Variants in CTNNA2 observed in about 807,000 individuals in gnomAD.
The protein encoded by CTNNA2 is catenin alpha-2.
In CTNNA2, 42 loss-of-function variants were observed where a neutral mutation model predicts 101.0. The observed-to-expected ratio is 0.42, with a 90% CI of 0.32 to 0.54. The LOEUF is 0.54. Ranked by LOEUF, CTNNA2 falls within the 20% of genes least tolerant of loss-of-function variation. CTNNA2 has a pLI of 0.14. For missense variants in CTNNA2, 871 were observed against 1,223.1 expected (o/e 0.71, Z 4.29); for synonymous variants, 450 against 456.4 (o/e 0.99, Z 0.18).
intron 7 of CTNNA2, among the ~76,000 whole-genome samples, chr2:80,238,211 A>C (rs575341646): frequency 3.3e-5 from 5 of 152,134 alleles, no homozygotes; most frequent in African/African-American, 7.2e-5. Flanking sequence ...GACTTTACTC[A>C]AGATCATTTG....
intron 2 of CTNNA2, among the ~76,000 whole-genome samples, chr2:79,673,105 G>A (rs917441826): frequency 6.6e-6 from 1 of 152,090 alleles, no homozygotes; most frequent in Non-Finnish European, 1.5e-5. Flanking sequence ...TGAATGTTCA[G>A]TTTGAATGTT....
At chr2:80,603,528 T>A (rs1697737312) in intron 15 of CTNNA2, 1 of 152,102 alleles carries the variant, frequency 6.6e-6, no homozygotes, top group Non-Finnish European at 1.5e-5. Context: ...CAAACTGGAC[T>A]TAAAATTTAA....
At chr2:79,476,571 T>C (rs190446279) in intron 4 of CTNNA2, among the ~76,000 whole-genome samples, 145 of 152,300 alleles carry the variant, frequency 9.5e-4, no homozygotes, top group Admixed American at 2.0e-3. Flanking sequence ...GACTGGTATA[T>C]GGAGGTCTCA....
intron 7 of CTNNA2, among the ~76,000 whole-genome samples, chr2:79,985,381 A>T (rs1691686669): frequency 6.6e-6 from 1 of 152,142 alleles, no homozygotes; most frequent in African/African-American, 2.4e-5. Context: ...AGCATTGCTC[A>T]GGGTACATCC....
intron 2 of CTNNA2, among the ~76,000 whole-genome samples, chr2:79,302,390 A>G (rs1676133646): frequency 6.6e-6 from 1 of 152,150 alleles, no homozygotes; most frequent in Non-Finnish European, 1.5e-5. Flanking sequence ...CTGTTCACTT[A>G]TAAAATATCA....
Position 80,442,571 on chromosome 2 carries a change from C to T in CTNNA2, c.1290+22970C>T, listed in dbSNP as rs139383353. Among the ~76,000 whole-genome samples the T allele has an allele frequency of 4.6e-5, 7 of 152,264 alleles. No homozygotes were observed. The East Asian group carries it at 1.4e-3, about 29-fold the overall frequency. ...TTTCCAAGGAGCTACCATGCCTTCC[C>T]AATGCCATGGCTTGAGCAAGAGGAT... is the stretch of plus-strand genomic sequence containing the variant. On this transcript the variant is annotated intron_variant, in intron 9 of 18. Transcript: ENST00000402739.
intron 6 of CTNNA2, among the ~76,000 whole-genome samples, chr2:79,877,388 G>A (rs771752912): frequency 1.3e-5 from 2 of 152,084 alleles, no homozygotes; most frequent in African/African-American, 2.4e-5. Flanking sequence ...TGATTCACCT[G>A]CTGTAGATTT....
chr2:79,476,707 G>T (rs1373821775), intron 4 of CTNNA2, among the ~76,000 whole-genome samples: 2 of 152,114 alleles, frequency 1.3e-5, no homozygotes, highest in Non-Finnish European at 2.9e-5. Context: ...TCTGATTTTA[G>T]TTTGTTATTC....
chr2:80,352,898 T>C lies in CTNNA2; in HGVS notation c.1057-40313T>C, dbSNP rs181208487. Among the ~76,000 whole-genome samples the C allele has an allele frequency of 1.9e-4, 29 of 151,998 alleles. No individual in the cohort carries two copies. The East Asian group carries it at 5.4e-3, about 28-fold the overall frequency. On this transcript the variant is annotated intron_variant, in intron 7 of 18. Coordinates refer to ENST00000402739, the MANE Select transcript of CTNNA2 (RefSeq NM_001282597.3). ...CCACTGTAATTTCCCATGAATTATG[T>C]CAGATCAAGAGGTTACTTTAAAAAA...
At chr2:79,978,942 G>A (rs1691060876) in intron 7 of CTNNA2, among the ~76,000 whole-genome samples, 1 of 152,120 alleles carries the variant, frequency 6.6e-6, no homozygotes, top group Non-Finnish European at 1.5e-5. Context: ...GTCTCAAAGA[G>A]GTTAAGTCAT....
At chr2:79,195,074 G>A (rs545456638) in intron 1 of CTNNA2, among the ~76,000 whole-genome samples, 1 of 152,078 alleles carries the variant, frequency 6.6e-6, no homozygotes, top group South Asian at 2.1e-4. Context: ...TGCTTTCTTT[G>A]AAACATTCAC....
intron 1 of CTNNA2, among the ~76,000 whole-genome samples, chr2:79,550,664 A>G (rs1674042555): frequency 6.6e-6 from 1 of 152,204 alleles, no homozygotes; most frequent in Non-Finnish European, 1.5e-5. Flanking sequence ...TTATTCTTTC[A>G]TTCAGTATCT....
chr2:80,355,379 T>G (rs2149305743), intron 7 of CTNNA2, among the ~76,000 whole-genome samples: 1 of 152,294 alleles, frequency 6.6e-6, no homozygotes, highest in East Asian at 1.9e-4. Context: ...TTTCCCCATC[T>G]TGCCTGGCAT....
intron 1 of CTNNA2, among the ~76,000 whole-genome samples, chr2:79,543,642 T>A (rs957179933): frequency 6.6e-6 from 1 of 152,124 alleles, no homozygotes; most frequent in Non-Finnish European, 1.5e-5. Flanking sequence ...TCACTAGCAA[T>A]GAACAGATCA....
chr2:79,716,248 T>A (rs1218916974), intron 2 of CTNNA2, among the ~76,000 whole-genome samples: 1 of 152,184 alleles, frequency 6.6e-6, no homozygotes, highest in Non-Finnish European at 1.5e-5. Flanking sequence ...TTAATTTTAT[T>A]TTATGTCATT....
rs200777022 is a variant in CTNNA2 at position 79,353,970 on chromosome 2, CT to C, written c.-317-19852del. On this transcript the variant is annotated intron_variant, in intron 3 of 21. Coordinates refer to the CTNNA2 transcript ENST00000466387. Reference sequence around the variant, plus strand: ...GAAATTAAATTCTTGGTTGGAATTTCTTTTTTTTTAAGGATGTTAAAAATAG... The same window carrying C: ...GAAATTAAATTCTTGGTTGGAATTTCTTTTTTTTAAGGATGTTAAAAATAG... 6.7e-3 allele frequency among the ~76,000 whole-genome samples: 1,012 copies of C among 151,006 alleles called. 14 individuals carry two copies. Among genetic ancestry groups the C allele is most frequent in the African/African-American group, 0.023 (948 of 41,172 alleles).
At chr2:79,237,222 C>G (rs560815571) in intron 2 of CTNNA2, among the ~76,000 whole-genome samples, 1 of 152,294 alleles carries the variant, frequency 6.6e-6, no homozygotes, top group African/African-American at 2.4e-5. Flanking sequence ...TCTTGTACAT[C>G]TCTTGGGTGA....
intron 3 of CTNNA2, among the ~76,000 whole-genome samples, chr2:79,368,611 T>A (rs1281165331): frequency 6.6e-6 from 1 of 152,144 alleles, no homozygotes; most frequent in African/African-American, 2.4e-5. Flanking sequence ...AACCTGGAAA[T>A]GGAAAGACAT....
chr2:79,187,626 T>G (rs1673798679), intron 1 of CTNNA2, among the ~76,000 whole-genome samples: 1 of 152,196 alleles, frequency 6.6e-6, no homozygotes, highest in Non-Finnish European at 1.5e-5. Flanking sequence ...TTGTTATGCA[T>G]CTTTAATTGT....
Sources: allele counts gnomAD v4.1 joint callset (sites outside exome capture counted in the v4.1 genomes callset), GRCh38; gene constraint gnomAD v4.1.1; transcripts MANE v1.5; gene names NCBI Gene and HGNC (gene_info 2026-07-23, HGNC 2026-07-21).